Variants in SPAM1 observed in about 807,000 individuals in gnomAD.
The protein encoded by SPAM1 is sperm adhesion molecule 1.
SPAM1 carries 22 observed loss-of-function variants against 29.6 expected under a neutral mutation model. The ratio of observed to expected loss-of-function variants is 0.74; its 90% CI spans 0.53 to 1.06. The LOEUF is 1.06. Among genes scored for constraint, SPAM1 ranks in the 50% least tolerant of loss-of-function variants. The pLI, the probability that SPAM1 is intolerant of heterozygous loss-of-function variation, is 0.00. For missense variants in SPAM1, 534 were observed against 604.0 expected (o/e 0.88, Z 1.21); for synonymous variants, 194 against 204.6 (o/e 0.95, Z 0.44).
chr7:123,960,504 AT>A (rs67718102), downstream of SPAM1, among the ~76,000 whole-genome samples: 90,893 of 151,598 alleles, frequency 0.6, 27,963 homozygotes, highest in African/African-American at 0.72. Flanking sequence ...AAGAATTAGT[AT>A]TTTTTTGCTT....
At chr7:123,961,088 A>G (rs2117074194), downstream of SPAM1, among the ~76,000 whole-genome samples, 1 of 151,730 alleles carries the variant, frequency 6.6e-6, no homozygotes, top group East Asian at 2.0e-4. Context: ...TGGGGTAGAG[A>G]GTAATATTTT....
chr7:123,961,538 A>G (rs946552259), downstream of SPAM1, among the ~76,000 whole-genome samples: 1 of 151,954 alleles, frequency 6.6e-6, no homozygotes, highest in Admixed American at 6.6e-5. Flanking sequence ...CGTTGTGTAT[A>G]TACACCACAT....
exon 7 of SPAM1, chr7:123,971,021 A>G (rs570486337): frequency 2.6e-4 from 39 of 152,094 alleles, no homozygotes; most frequent in African/African-American, 8.0e-4. Context: ...TGAAAAAACC[A>G]TGACTATCAT....
chr7:123,959,205 T>A, intron 4 of SPAM1, among the ~76,000 whole-genome samples: 1 of 152,022 alleles, frequency 6.6e-6, no homozygotes, highest in East Asian at 1.9e-4. Context: ...TTCTATCCCC[T>A]GATTATGTTA....
chr7:123,938,011 G>C (rs1258201297), intron 1 of SPAM1, among the ~76,000 whole-genome samples: 2 of 152,044 alleles, frequency 1.3e-5, no homozygotes, highest in Non-Finnish European at 2.9e-5. Context: ...TAGTTAGAAA[G>C]AATGGTGGCA....
At chr7:123,957,505 C>G (rs1342144425) in intron 4 of SPAM1, among the ~76,000 whole-genome samples, 1 of 151,914 alleles carries the variant, frequency 6.6e-6, no homozygotes, top group Non-Finnish European at 1.5e-5. Flanking sequence ...GAATTTCATT[C>G]AAAACACCAT....
chr7:123,958,427 C>T (rs1204925960), intron 4 of SPAM1, among the ~76,000 whole-genome samples: 3 of 152,014 alleles, frequency 2.0e-5, no homozygotes, highest in Admixed American at 2.0e-4. Flanking sequence ...TCATTATTTA[C>T]CCATAACTTG....
downstream of SPAM1, among the ~76,000 whole-genome samples, chr7:123,960,989 G>A (rs1792350920): frequency 6.6e-6 from 1 of 151,634 alleles, no homozygotes; most frequent in Non-Finnish European, 1.5e-5. Flanking sequence ...TGAACCACTT[G>A]TATAGTCTTT....
chr7:123,970,383 G>A (rs1792482562), intron 6 of SPAM1: 1 of 933,390 alleles, frequency 1.1e-6, no homozygotes, highest in Non-Finnish European at 1.6e-6. Flanking sequence ...ATGTTGGATT[G>A]GAGAATACTC....
intron 4 of SPAM1, among the ~76,000 whole-genome samples, chr7:123,958,496 C>T (rs1363988619): frequency 1.3e-5 from 2 of 151,958 alleles, no homozygotes; most frequent in Non-Finnish European, 2.9e-5. Context: ...TGTATTCGAG[C>T]CAGCAATTTA....
downstream of SPAM1, among the ~76,000 whole-genome samples, chr7:123,964,367 A>G (rs1048643894): frequency 1.3e-5 from 2 of 151,974 alleles, no homozygotes; most frequent in African/African-American, 4.8e-5. Flanking sequence ...TTTATTATGT[A>G]TCACATATCA....
chr7:123,969,498 C>A (rs972639300), intron 5 of SPAM1, among the ~76,000 whole-genome samples: 1 of 152,044 alleles, frequency 6.6e-6, no homozygotes, highest in Non-Finnish European at 1.5e-5. Context: ...TCTCGTTCTT[C>A]TGCATATGGG....
downstream of SPAM1, chr7:123,960,170 G>C: frequency 1.5e-6 from 1 of 649,602 alleles, no homozygotes; most frequent in Non-Finnish European, 2.4e-6. Context: ...ATGAGTTCAG[G>C]GATTTGTATT....
intron 4 of SPAM1, among the ~76,000 whole-genome samples, chr7:123,956,762 A>G (rs895143922): frequency 1.3e-5 from 2 of 152,010 alleles, no homozygotes; most frequent in South Asian, 4.1e-4. Flanking sequence ...AAATGGAAAT[A>G]CTATGTAATA....
At chr7:123,950,895 G>A (rs958392390) in intron 2 of SPAM1, among the ~76,000 whole-genome samples, 1 of 152,168 alleles carries the variant, frequency 6.6e-6, no homozygotes, top group South Asian at 2.1e-4. Flanking sequence ...GTATAAGTGT[G>A]TCCTTTTTTC....
rs552889095 is a variant in SPAM1, at chr7:123,932,910, A to G, written c.-319+7558A>G. 5.3e-5 allele frequency among the ~76,000 whole-genome samples: 8 copies of G among 152,274 alleles called. No homozygotes were observed. The South Asian group carries it at 1.7e-3, about 32-fold the overall frequency. ...GGGTGTCCCAGCCAATGATATCCCA[A>G]TCTCATTGCCAGAACTGTAGGGAAA... On this transcript the variant is annotated intron_variant, in intron 1 of 4. Transcript: ENST00000682466.
At chr7:123,968,821 G>A (rs1344395558) in intron 5 of SPAM1, among the ~76,000 whole-genome samples, 1 of 152,060 alleles carries the variant, frequency 6.6e-6, no homozygotes, top group Non-Finnish European at 1.5e-5. Context: ...TCATCTGTGT[G>A]AGAATGAAAT....
At chr7:123,962,002 C>T (rs1452605632), downstream of SPAM1, among the ~76,000 whole-genome samples, 1 of 151,962 alleles carries the variant, frequency 6.6e-6, no homozygotes, top group Non-Finnish European at 1.5e-5. Context: ...TCCCACAACA[C>T]GTGGGAATTA....
intron 2 of SPAM1, among the ~76,000 whole-genome samples, chr7:123,952,009 A>G (rs1459467929): frequency 6.6e-6 from 1 of 152,118 alleles, no homozygotes; most frequent in African/African-American, 2.4e-5. Context: ...TCCCTGAGAT[A>G]CAGGGAAAGC....
Sources: allele counts gnomAD v4.1 joint callset (sites outside exome capture counted in the v4.1 genomes callset), GRCh38; gene constraint gnomAD v4.1.1; transcripts MANE v1.5; gene names NCBI Gene and HGNC (gene_info 2026-07-23, HGNC 2026-07-21).